The following LRRC72 variants were observed in gnomAD, a reference collection of about 807,000 sequenced individuals.
LRRC72 encodes the protein leucine rich repeat containing 72.
In LRRC72, 41 loss-of-function variants were observed where a neutral mutation model predicts 35.8. The ratio of observed to expected loss-of-function variants is 1.15; its 90% CI spans 0.89 to 1.49. The LOEUF (loss-of-function observed/expected upper bound fraction) is 1.49. Ranked by LOEUF, LRRC72 falls within the 40% of genes most tolerant of loss-of-function variation. LRRC72 has a pLI of 0.00. For synonymous variants in LRRC72, 118 were observed against 119.2 expected (o/e 0.99, Z 0.07); for missense variants, 389 against 330.7 (o/e 1.18, Z -1.37).
At chr7:16,564,678 T>C (rs1008487449) in intron 5 of LRRC72, among the ~76,000 whole-genome samples, 6 of 152,204 alleles carry the variant, frequency 3.9e-5, no homozygotes, top group Non-Finnish European at 5.9e-5. Context: ...GCCTGCTTTA[T>C]GTCCCTCTAA....
intron 5 of LRRC72, among the ~76,000 whole-genome samples, chr7:16,561,634 T>C (rs746761514): frequency 1.3e-5 from 2 of 152,228 alleles, no homozygotes; most frequent in African/African-American, 2.4e-5. Flanking sequence ...ACTATAACTT[T>C]CCAGTTGAGA....
At chr7:16,528,024 A>G (rs911747130) in intron 1 of LRRC72, among the ~76,000 whole-genome samples, 1 of 152,226 alleles carries the variant, frequency 6.6e-6, no homozygotes. Flanking sequence ...TTAACCAACT[A>G]ATTTAAAATC....
At position 16,527,039 on chromosome 7, in the gene LRRC72, C is replaced by CCGGGTAAG. The variant is rs1179500710; in HGVS notation, c.90+1_90+8dup. ...CCGAAACTGCCCTACAGAGCAGTCGCCGGGTAAGCGGCACCTGCCTTCCCA... is the reference window on the plus strand; with the variant it reads ...CCGAAACTGCCCTACAGAGCAGTCGCCGGGTAAGCGGGTAAGCGGCACCTGCCTTCCCA... On this transcript the variant is annotated frameshift_variant, in exon 1 of 9. Transcript: ENST00000401542. LOFTEE classifies it high-confidence loss of function. 11 of 1,537,930 alleles carry CCGGGTAAG rather than the reference C, an allele frequency of 7.2e-6. No homozygotes were observed. The highest frequency in any genetic ancestry group is 9.6e-6 in the Non-Finnish European group (11 of 1,146,834).
rs1457492697 is a variant in LRRC72 at position 16,566,285 on chromosome 7, A to T, written c.428-28A>T. ...AGTGAAACTGATTTTGAAATCTGAC[A>T]TTTTTATTTTGGATTCTTCATTTGC... On this transcript the variant is annotated intron_variant, in intron 5 of 8. Coordinates refer to ENST00000401542, the MANE Select transcript of LRRC72 (RefSeq NM_001195280.2). 4 of 1,407,290 alleles carry T rather than the reference A, an allele frequency of 2.8e-6. No homozygotes were observed. In the East Asian group the frequency reaches 1.0e-4, roughly 36 times the overall value. 87.2% of individuals were successfully genotyped at this position (1,407,290 alleles called of 1,614,324 possible).
intron 3 of LRRC72, among the ~76,000 whole-genome samples, chr7:16,544,455 C>T (rs1019947176): frequency 2.6e-5 from 4 of 152,078 alleles, no homozygotes; most frequent in Admixed American, 6.6e-5. Flanking sequence ...TCCTAACACC[C>T]GCTGACATAA....
At chr7:16,559,620 G>T (rs1310152676) in intron 5 of LRRC72, among the ~76,000 whole-genome samples, 1 of 152,058 alleles carries the variant, frequency 6.6e-6, no homozygotes, top group African/African-American at 2.4e-5. Context: ...TTATGTAAGT[G>T]TCCAAGTAGG....
chr7:16,559,205 G>A (rs1359089777), intron 5 of LRRC72, among the ~76,000 whole-genome samples: 1 of 152,104 alleles, frequency 6.6e-6, no homozygotes, highest in Non-Finnish European at 1.5e-5. Flanking sequence ...ACCAGCCTGA[G>A]CAACATGGCA....
At chr7:16,540,092 C>A (rs1458088062) in intron 3 of LRRC72, among the ~76,000 whole-genome samples, 1 of 152,158 alleles carries the variant, frequency 6.6e-6, no homozygotes, top group Non-Finnish European at 1.5e-5. Flanking sequence ...CCTAGAAAAG[C>A]CACAGGGACT....
At position 16,568,075 on chromosome 7, in the gene LRRC72, G is replaced by T. The variant is rs1469441311; in HGVS notation, c.670+532G>T. On this transcript the variant is annotated intron_variant, in intron 7 of 8. Coordinates refer to ENST00000401542, the MANE Select transcript of LRRC72 (RefSeq NM_001195280.2). Reference sequence around the variant, plus strand: ...TTTGTAGGAATTTAATTTCATATTTGTAACAGAAATGCAAAAAAAAATAGG... The same window carrying T: ...TTTGTAGGAATTTAATTTCATATTTTTAACAGAAATGCAAAAAAAAATAGG... 3.3e-5 allele frequency among the ~76,000 whole-genome samples: 5 copies of T among 151,982 alleles called. No homozygotes were observed. In the East Asian group the frequency reaches 9.6e-4, roughly 29 times the overall value.
chr7:16,565,305 C>A (rs1033934585), intron 5 of LRRC72, among the ~76,000 whole-genome samples: 1 of 151,950 alleles, frequency 6.6e-6, no homozygotes, highest in African/African-American at 2.4e-5. Context: ...TGGTGGCAGG[C>A]GCCTGTAATC....
At chr7:16,555,226 G>T (rs1282800494) in intron 3 of LRRC72, among the ~76,000 whole-genome samples, 2 of 152,178 alleles carry the variant, frequency 1.3e-5, no homozygotes, top group Non-Finnish European at 2.9e-5. Context: ...GTCTGTGAAC[G>T]ATCAGATGAA....
intron 3 of LRRC72, among the ~76,000 whole-genome samples, chr7:16,554,748 C>G (rs1395290818): frequency 2.6e-5 from 4 of 152,180 alleles, no homozygotes; most frequent in African/African-American, 9.7e-5. Context: ...CCTATAATCC[C>G]TATGATCATG....
chr7:16,541,841 G>A (rs1052268147), intron 3 of LRRC72, among the ~76,000 whole-genome samples: 4 of 152,346 alleles, frequency 2.6e-5, no homozygotes, highest in Middle Eastern at 3.4e-3. Flanking sequence ...AACTCGGGAG[G>A]TGGAGGTTGC....
At chr7:16,540,604 T>C (rs539157678) in intron 3 of LRRC72, among the ~76,000 whole-genome samples, 99 of 152,272 alleles carry the variant, frequency 6.5e-4, no homozygotes, top group African/African-American at 2.3e-3. Context: ...CTGAGTCTCA[T>C]CTGAAATCGT....
intron 5 of LRRC72, among the ~76,000 whole-genome samples, chr7:16,559,500 GCTAT>G (rs1695109903): frequency 6.6e-6 from 1 of 152,128 alleles, no homozygotes; most frequent in Admixed American, 6.5e-5. Flanking sequence ...TTTGTGAAAT[GCTAT>G]CTATCACATG....
chr7:16,530,889 T>A (rs966721906), intron 1 of LRRC72, among the ~76,000 whole-genome samples: 5 of 152,078 alleles, frequency 3.3e-5, no homozygotes, highest in African/African-American at 1.2e-4. Context: ...ATAGTTGACA[T>A]CTTTAAGTTA....
chr7:16,577,930 A>G (rs1410754410), intron 7 of LRRC72, among the ~76,000 whole-genome samples: 3 of 152,274 alleles, frequency 2.0e-5, no homozygotes, highest in Middle Eastern at 3.4e-3. Flanking sequence ...GGGAATGTAA[A>G]CTCGTTCAAC....
At chr7:16,561,666 T>C (rs1782745757) in intron 5 of LRRC72, among the ~76,000 whole-genome samples, 1 of 152,242 alleles carries the variant, frequency 6.6e-6, no homozygotes, top group Non-Finnish European at 1.5e-5. Flanking sequence ...GGGTCATTTG[T>C]TTGAAATGGA....
intron 7 of LRRC72, 26 bp downstream of exon 7, chr7:16,567,569 A>C (rs1782871162): frequency 1.4e-6 from 2 of 1,405,208 alleles, no homozygotes; most frequent in Admixed American, 3.1e-5. Context: ...AAAAAAAAAA[A>C]CAAATTTAAT....
Sources: allele counts gnomAD v4.1 joint callset (sites outside exome capture counted in the v4.1 genomes callset), GRCh38; gene constraint gnomAD v4.1.1; transcripts MANE v1.5; gene names NCBI Gene and HGNC (gene_info 2026-07-23, HGNC 2026-07-21).